LAMP1: variants seen among roughly 807,000 people sequenced by gnomAD.
The protein encoded by LAMP1 is lysosome associated membrane protein 1.
In LAMP1, 7 loss-of-function variants were observed where a neutral mutation model predicts 37.5. The ratio of observed to expected loss-of-function variants is 0.19; its 90% confidence interval spans 0.11 to 0.35. The LOEUF is 0.35. LAMP1 is among the 10% of genes least tolerant of loss of function. The probability of loss-of-function intolerance (pLI) is 1.00; values close to 1 mark genes in which losing one functional copy is unlikely to be tolerated. For synonymous variants in LAMP1, 236 were observed against 229.1 expected, an observed-to-expected ratio of 1.03 and a Z score of -0.27; for missense variants, 537 against 552.8, an observed-to-expected ratio of 0.97 and a Z score of 0.29.
intron 1 of LAMP1, among the ~76,000 whole-genome samples, chr13:113,299,783 G>T (rs1421966856): frequency 6.6e-6 from 1 of 151,134 alleles, no homozygotes; most frequent in Non-Finnish European, 1.5e-5. Context: ...TGGCCAGGCT[G>T]GTCTCGAACT....
intron 3 of LAMP1, among the ~76,000 whole-genome samples, 186 bp from the exon 4 acceptor site, chr13:113,310,523 C>G (rs2042624874): frequency 6.6e-6 from 1 of 151,300 alleles, no homozygotes; most frequent in Non-Finnish European, 1.5e-5. Context: ...GAGACTCTGT[C>G]TCAAAAAAAA....
rs916517676 is a variant in LAMP1 at position 113,309,338 on chromosome 13, C to A, written c.184-305C>A. 2.0e-5 allele frequency among the ~76,000 whole-genome samples: 3 copies of A among 152,246 alleles called. No individual in the cohort carries two copies. In the East Asian group the frequency reaches 5.8e-4, roughly 29 times the overall value. The stretch of plus-strand genomic sequence containing the variant: ...CTGGTCTTGAACTCCTGGGCTCAAG[C>A]AATCCCCCCACCTCAGCCTCCCAGA... On this transcript the variant is annotated intron_variant, in intron 2 of 8. Transcript: ENST00000332556.
At chr13:113,315,382 CTTTTTTTTTTTT>C (rs1158608278) in intron 4 of LAMP1, among the ~76,000 whole-genome samples, 5 of 60,398 alleles carry the variant, frequency 8.3e-5, no homozygotes, top group East Asian at 1.2e-3. Flanking sequence ...TGTATCTTGT[CTTTTTTTTTTTT>C]TTTTTTTTTT....
rs370286796 is a variant in LAMP1 at position 113,320,346 on chromosome 13, C to T, written c.752C>T (p.Thr251Met). ...NLTYERKDNT[T>M]VTRLLNINPN... Reference sequence around the variant, plus strand: ...GACTTGCTTGCTTGTCTTATGCAGACGGTGACAAGGCTTCTCAACATCAAC... The same window carrying T: ...GACTTGCTTGCTTGTCTTATGCAGATGGTGACAAGGCTTCTCAACATCAAC... Residue 251 changes from threonine (T) to methionine (M), a missense_variant and splice_region_variant, in exon 6 of 9, where the codon ACG (threonine) becomes ATG (methionine). Coordinates refer to ENST00000332556, the MANE Select transcript of LAMP1 (RefSeq NM_005561.4). The surrounding 1 kb of genome is among the most constrained non-coding windows in gnomAD (Gnocchi z 4.4). The T allele has an allele frequency of 7.2e-5, 116 of 1,613,922 alleles. No individual in the cohort carries two copies. The highest frequency in any genetic ancestry group is 8.8e-5 in the South Asian group (8 of 91,090).
At position 113,297,427 on chromosome 13, in the gene LAMP1, C is replaced by T; in HGVS notation, c.-8C>T. On this transcript the variant is annotated 5_prime_UTR_variant, in exon 1 of 9. Transcript: ENST00000332556. This position sits in a 1 kb window ranked among gnomAD's most constrained non-coding sequence, Gnocchi z 4.4. The stretch of plus-strand genomic sequence containing the variant: ...CGCTCCCCGCACCGTACCCGGCCGC[C>T]TCGCGCCATGGCGGCCCCCGGCAGC... The T allele has an allele frequency of 1.0e-6, 1 of 952,918 alleles. No individual in the cohort carries two copies. Among genetic ancestry groups the T allele is most frequent in the Non-Finnish European group, 1.4e-6 (1 of 728,630 alleles). 59.0% of individuals were successfully genotyped at this position (952,918 alleles called of 1,614,324 possible).
chr13:113,319,933 CT>C (rs2042688384), intron 5 of LAMP1, among the ~76,000 whole-genome samples: 1 of 152,258 alleles, frequency 6.6e-6, no homozygotes, highest in Admixed American at 6.5e-5. Flanking sequence ...AACTTGGCCC[CT>C]GATAGAACCT....
At chr13:113,308,825 C>T (rs190402579) in intron 2 of LAMP1, among the ~76,000 whole-genome samples, 85 of 152,240 alleles carry the variant, frequency 5.6e-4, no homozygotes, top group African/African-American at 1.9e-3. Flanking sequence ...TAGTATACTG[C>T]TTCACTGTAG....
chr13:113,319,383 A>G (rs1367423426), intron 4 of LAMP1, 86 bp from the exon 5 acceptor site: 2 of 1,212,472 alleles, frequency 1.6e-6, no homozygotes, highest in East Asian at 2.4e-5. Context: ...CCACAGATGT[A>G]GTTTTGTTTC....
At chr13:113,306,716 C>A in intron 2 of LAMP1, 110 bp downstream of exon 2, 1 of 1,219,922 alleles carries the variant, frequency 8.2e-7, no homozygotes, top group South Asian at 1.5e-5. Flanking sequence ...GGTGCTTTTC[C>A]TATCTGCATA....
At chr13:113,309,612 A>G (rs764507910) in intron 2 of LAMP1, 31 bp from the exon 3 acceptor site, 18 of 1,536,034 alleles carry the variant, frequency 1.2e-5, no homozygotes, top group East Asian at 9.1e-5. Flanking sequence ...CTGCATCCCA[A>G]TTGGGTTACA....
chr13:113,313,886 T>C (rs2042645172), intron 4 of LAMP1, among the ~76,000 whole-genome samples: 1 of 116,912 alleles, frequency 8.6e-6, no homozygotes, highest in African/African-American at 5.0e-5. Context: ...CATGGCCTCC[T>C]GGAGGGAACC....
rs2042692685 is a variant in LAMP1 at position 113,320,546 on chromosome 13, A to C, written c.876+76A>C. 1 of 1,521,124 alleles carries C rather than the reference A, an allele frequency of 6.6e-7. No homozygotes were observed. The highest frequency in any genetic ancestry group is 1.4e-5 in the African/African-American group (1 of 72,570). The allele number at this position is 1,521,124 out of a possible 1,614,324, so 94.2% of individuals were successfully genotyped here. ...ATCTTTTTGTGCCCTGGGTCTGCTC[A>C]TGGGAGGCAGCGTTAGGAAGGAGGC... On this transcript the variant is annotated intron_variant, in intron 6 of 8. Coordinates refer to ENST00000332556, the MANE Select transcript of LAMP1 (RefSeq NM_005561.4). The surrounding 1 kb of genome is among the most constrained non-coding windows in gnomAD (Gnocchi z 4.4).
At position 113,321,233 on chromosome 13, in the gene LAMP1, CT is replaced by C; in HGVS notation, c.877-167del. 1 of 654,632 alleles carries C rather than the reference CT, an allele frequency of 1.5e-6. No individual in the cohort carries two copies. The allele number at this position is 654,632 out of a possible 1,614,324, so 40.6% of individuals were successfully genotyped here. ...TTCATTCCCCAGAGATACACAACGCCTTTTATAGACAAGATCTTTTGCAGTT... is the reference window on the plus strand; with the variant it reads ...TTCATTCCCCAGAGATACACAACGCCTTTATAGACAAGATCTTTTGCAGTT... On this transcript the variant is annotated intron_variant, in intron 6 of 8. Transcript: ENST00000332556. This position sits in a 1 kb window ranked among gnomAD's most constrained non-coding sequence, Gnocchi z 5.6.
intron 1 of LAMP1, among the ~76,000 whole-genome samples, chr13:113,298,155 C>G (rs1282226899): frequency 6.6e-6 from 1 of 152,192 alleles, no homozygotes; most frequent in Non-Finnish European, 1.5e-5. Flanking sequence ...GCCTCAGACT[C>G]ACGGTGGCAA....
chr13:113,300,411 G>C (rs1043144298), intron 1 of LAMP1, among the ~76,000 whole-genome samples: 1 of 151,848 alleles, frequency 6.6e-6, no homozygotes, highest in African/African-American at 2.4e-5. Flanking sequence ...GCTTGAACCT[G>C]GGAGGCAGGG....
rs1385267194 is a variant in LAMP1, at chr13:113,320,100, G to C, written c.751-245G>C. Among the ~76,000 whole-genome samples the C allele has an allele frequency of 1.3e-5, 2 of 152,196 alleles. No individual in the cohort carries two copies. The highest frequency in any genetic ancestry group is 2.9e-5 in the Non-Finnish European group (2 of 68,016). On this transcript the variant is annotated intron_variant, in intron 5 of 8. Transcript: ENST00000332556. This position sits in a 1 kb window ranked among gnomAD's most constrained non-coding sequence, Gnocchi z 4.4. ...TGAGTTTGCAGGGCTGACTGCTGCA[G>C]GGGGAGGTGGTGCTGCTGGTTGCCC...
Position 113,297,516 on chromosome 13 carries a change from C to A in LAMP1, c.61+21C>A. 8.1e-7 allele frequency: 1 copy of A among 1,235,960 alleles called. No individual in the cohort carries two copies. Among genetic ancestry groups the A allele is most frequent in the South Asian group, 3.5e-5 (1 of 28,208 alleles). The allele number at this position is 1,235,960 out of a possible 1,614,324, so 76.6% of individuals were successfully genotyped here. A position where few individuals can be genotyped will look rare whatever the true frequency, so the allele number is the denominator to read the frequency against. On this transcript the variant is annotated intron_variant, in intron 1 of 8. Transcript: ENST00000332556. This position sits in a 1 kb window ranked among gnomAD's most constrained non-coding sequence, Gnocchi z 4.4. ...GCTCGGTGAGGGGGTCGAGGCGGGG[C>A]CTGGGAGCGGCGGGACCGGGCGGAG...
chr13:113,301,394 G>A (rs1204489964), intron 1 of LAMP1, among the ~76,000 whole-genome samples: 1 of 151,908 alleles, frequency 6.6e-6, no homozygotes, highest in African/African-American at 2.4e-5. Flanking sequence ...GCCGAGGTGG[G>A]TGGATTGCCT....
At chr13:113,312,555 G>C (rs1025009417) in intron 4 of LAMP1, among the ~76,000 whole-genome samples, 7 of 152,212 alleles carry the variant, frequency 4.6e-5, no homozygotes, top group Non-Finnish European at 1.0e-4. Context: ...GGACTTGATG[G>C]GGCCACGTGG....
Sources: gnomAD v4.1 joint callset for allele counts (sites outside exome capture counted in the v4.1 genomes callset) on GRCh38, gnomAD v4.1.1 for gene constraint, Gnocchi (gnomAD v3.1) non-coding constraint, MANE v1.5 for transcripts, NCBI Gene and HGNC (gene_info 2026-07-23, HGNC 2026-07-21) for gene names.